The following MCEE variants were observed in gnomAD, a reference collection of about 807,000 sequenced individuals.
MCEE encodes methylmalonyl-CoA epimerase.
MCEE carries 6 observed loss-of-function variants against 12.9 expected under a neutral mutation model. The observed-to-expected ratio is 0.47, with a 90% confidence interval of 0.26 to 0.92. MCEE has a LOEUF of 0.92. MCEE is among the 40% of genes least tolerant of loss of function. MCEE has a pLI of 0.16. For synonymous variants in MCEE, 78 were observed against 77.9 expected, an observed-to-expected ratio of 1.00 and a Z score of -0.01; for missense variants, 214 against 212.1, an observed-to-expected ratio of 1.01 and a Z score of -0.05.
At chr2:71,111,999 T>G (rs1186070132) in intron 2 of MCEE, among the ~76,000 whole-genome samples, 1 of 152,236 alleles carries the variant, frequency 6.6e-6, no homozygotes, top group African/African-American at 2.4e-5. Context: ...GAATCAGATT[T>G]CTAAATTGGC....
At chr2:71,124,109 A>G in intron 2 of MCEE, 97 bp downstream of exon 2, 1 of 891,472 alleles carries the variant, frequency 1.1e-6, no homozygotes, top group Non-Finnish European at 1.8e-6. Flanking sequence ...ACTTTACAAA[A>G]GTTTCTAATG....
intron 2 of MCEE, among the ~76,000 whole-genome samples, chr2:71,120,936 C>T (rs913298132): frequency 2.9e-4 from 44 of 152,070 alleles, no homozygotes; most frequent in Admixed American, 2.4e-3. Context: ...GGGGTTTCAC[C>T]GTGTTGCCCA....
intron 2 of MCEE, among the ~76,000 whole-genome samples, chr2:71,111,399 A>AG (rs1228440132): frequency 1.4e-4 from 21 of 152,254 alleles, no homozygotes; most frequent in East Asian, 5.8e-4. Flanking sequence ...AATATTATTA[A>AG]GCTTTTCTTC....
intron 1 of MCEE, among the ~76,000 whole-genome samples, chr2:71,126,839 A>C (rs1673245391): frequency 1.3e-5 from 2 of 152,226 alleles, no homozygotes; most frequent in Non-Finnish European, 2.9e-5. Flanking sequence ...GTGATGTTTT[A>C]ATAAATGCAT....
chr2:71,122,858 C>T (rs1673126312), intron 2 of MCEE, among the ~76,000 whole-genome samples: 1 of 152,236 alleles, frequency 6.6e-6, no homozygotes. Flanking sequence ...CCTGAAATAA[C>T]TTTCTCCTTT....
chr2:71,115,144 C>T (rs2103779723), intron 2 of MCEE, among the ~76,000 whole-genome samples: 1 of 152,302 alleles, frequency 6.6e-6, no homozygotes, highest in East Asian at 1.9e-4. Context: ...AATCCCAGCA[C>T]TTAGGTGGGG....
At chr2:71,125,914 A>G (rs1482566958) in intron 1 of MCEE, among the ~76,000 whole-genome samples, 1 of 152,230 alleles carries the variant, frequency 6.6e-6, no homozygotes, top group Non-Finnish European at 1.5e-5. Flanking sequence ...GTACACATAT[A>G]CATAAATGTA....
At chr2:71,124,631 G>A in intron 1 of MCEE, 88 bp from the exon 2 acceptor site, 1 of 982,774 alleles carries the variant, frequency 1.0e-6, no homozygotes. Flanking sequence ...AATAATGCAT[G>A]CAAAAATTCA....
intron 1 of MCEE, chr2:71,129,791 T>C (rs1673328731): frequency 3.0e-6 from 1 of 328,300 alleles, no homozygotes; most frequent in South Asian, 2.9e-5. Flanking sequence ...TTACGGAACG[T>C]GCTCTCCTTT....
chr2:71,130,227 A>G lies in MCEE; in HGVS notation c.-8T>C, dbSNP rs1337199578. 2.5e-6 allele frequency: 4 copies of G among 1,608,648 alleles called. No individual in the cohort carries two copies. Among genetic ancestry groups the G allele is most frequent in the Non-Finnish European group, 3.4e-6 (4 of 1,178,500 alleles). ...CTTCAGCACCCGCGCCATTTTGGAAAGCAACCCGCCACGTCAAGACTAGCC... is the reference window on the plus strand; with the variant it reads ...CTTCAGCACCCGCGCCATTTTGGAAGGCAACCCGCCACGTCAAGACTAGCC... On this transcript the variant is annotated 5_prime_UTR_variant, in exon 1 of 3. Coordinates refer to ENST00000244217, the MANE Select transcript of MCEE (RefSeq NM_032601.4).
intron 2 of MCEE, among the ~76,000 whole-genome samples, chr2:71,123,492 CA>C (rs58746349): frequency 0.37 from 38,320 of 103,806 alleles, 5,840 homozygotes; most frequent in East Asian, 0.64. Flanking sequence ...GACTCCGTCT[CA>C]AAAAAAAAAA....
chr2:71,111,817 C>T (rs1449533482), intron 2 of MCEE, among the ~76,000 whole-genome samples: 5 of 152,174 alleles, frequency 3.3e-5, no homozygotes, highest in Non-Finnish European at 7.3e-5. Flanking sequence ...CTCTCTACAG[C>T]CAGTAAACTG....
At chr2:71,125,211 A>ATATATATATATATATATATTTTTTT in intron 1 of MCEE, among the ~76,000 whole-genome samples, 3 of 48,600 alleles carry the variant, frequency 6.2e-5, no homozygotes, top group Non-Finnish European at 1.3e-4. Flanking sequence ...ATATATATAT[A>ATATATATATATATATATATTTTTTT]TTTTTTTTTT....
intron 2 of MCEE, among the ~76,000 whole-genome samples, chr2:71,114,513 T>C (rs539578434): frequency 6.6e-6 from 1 of 152,354 alleles, no homozygotes; most frequent in South Asian, 2.1e-4. Context: ...TATTATAAGA[T>C]GTTCATAATT....
intron 2 of MCEE, chr2:71,110,685 T>C (rs1672868919): frequency 6.5e-6 from 1 of 153,776 alleles, no homozygotes; most frequent in African/African-American, 2.4e-5. Flanking sequence ...GCCATCAAAA[T>C]GTTATTCCCC....
intron 2 of MCEE, among the ~76,000 whole-genome samples, chr2:71,120,466 T>C (rs754549226): frequency 1.3e-4 from 20 of 150,248 alleles, no homozygotes; most frequent in Non-Finnish European, 2.4e-4. Context: ...ATTCCTCTAG[T>C]GAGAGGCAAA....
chr2:71,112,962 T>C (rs1004042734), intron 2 of MCEE, among the ~76,000 whole-genome samples: 21 of 152,256 alleles, frequency 1.4e-4, no homozygotes, highest in African/African-American at 4.8e-4. Context: ...TTTTCTTCCA[T>C]ATTTTTTACC....
At chr2:71,129,251 A>G (rs535142560) in intron 1 of MCEE, among the ~76,000 whole-genome samples, 1 of 152,234 alleles carries the variant, frequency 6.6e-6, no homozygotes, top group Non-Finnish European at 1.5e-5. Flanking sequence ...TAAAGTGTGC[A>G]GTTCTAAAAA....
At chr2:71,125,211 A>ATATATATATATATATATATATTTT in intron 1 of MCEE, among the ~76,000 whole-genome samples, 3 of 48,594 alleles carry the variant, frequency 6.2e-5, no homozygotes, top group Admixed American at 3.3e-4. Context: ...ATATATATAT[A>ATATATATATATATATATATATTTT]TTTTTTTTTT....
Sources: gnomAD v4.1 joint callset for allele counts (sites outside exome capture counted in the v4.1 genomes callset) on GRCh38, gnomAD v4.1.1 for gene constraint, MANE v1.5 for transcripts, NCBI Gene and HGNC (gene_info 2026-07-23, HGNC 2026-07-21) for gene names.